The following ZNF423 variants were observed in gnomAD, a reference collection of about 807,000 sequenced individuals.
ZNF423 encodes zinc finger protein 423.
In ZNF423, 12 loss-of-function variants were observed where a neutral mutation model predicts 95.8. The ratio of observed to expected loss-of-function variants is 0.13; its 90% CI spans 0.08 to 0.20. The LOEUF (loss-of-function observed/expected upper bound fraction) is 0.20. ZNF423 is among the 10% of genes least tolerant of loss of function. ZNF423 has a pLI of 1.00. For missense variants in ZNF423, 1,316 were observed against 1,737.1 expected (o/e 0.76, Z 4.31); for synonymous variants, 749 against 711.9 (o/e 1.05, Z -0.83).
intron 5 of ZNF423, among the ~76,000 whole-genome samples, chr16:49,529,679 G>A (rs762390264): frequency 6.6e-6 from 1 of 152,176 alleles, no homozygotes; most frequent in Non-Finnish European, 1.5e-5. Flanking sequence ...CAGGAGGAGA[G>A]AGAGCTGATT....
chr16:49,628,836 T>G (rs1385453530), intron 4 of ZNF423, among the ~76,000 whole-genome samples: 1 of 151,978 alleles, frequency 6.6e-6, no homozygotes, highest in Non-Finnish European at 1.5e-5. Context: ...TTCCAAAGAG[T>G]GAACCTCACT....
At chr16:49,531,113 G>A (rs1012832039) in intron 5 of ZNF423, among the ~76,000 whole-genome samples, 12 of 152,152 alleles carry the variant, frequency 7.9e-5, no homozygotes, top group African/African-American at 2.7e-4. Context: ...ATGTGACAGC[G>A]TGGGACAGTC....
chr16:49,545,034 C>T (rs969531855), intron 5 of ZNF423, among the ~76,000 whole-genome samples: 3 of 152,244 alleles, frequency 2.0e-5, no homozygotes, highest in Non-Finnish European at 4.4e-5. Flanking sequence ...ATTCCCACTC[C>T]ACACATGGAG....
chr16:49,563,679 C>T (rs1026021578), intron 5 of ZNF423, among the ~76,000 whole-genome samples: 1 of 152,222 alleles, frequency 6.6e-6, no homozygotes, highest in Non-Finnish European at 1.5e-5. Flanking sequence ...CTAGGCCTGT[C>T]GGCACCATCC....
intron 5 of ZNF423, among the ~76,000 whole-genome samples, chr16:49,593,941 C>A (rs1043906405): frequency 6.6e-6 from 1 of 152,130 alleles, no homozygotes. Flanking sequence ...CCCATGGAAC[C>A]CGCAGGTTCC....
chr16:49,504,027 T>C (rs1483962690), intron 7 of ZNF423, among the ~76,000 whole-genome samples: 6 of 152,202 alleles, frequency 3.9e-5, no homozygotes, highest in Admixed American at 1.3e-4. Context: ...TGATTTCTCT[T>C]GTACGAGGTG....
chr16:49,772,179 C>T (rs1364582680), intron 2 of ZNF423, among the ~76,000 whole-genome samples: 4 of 152,198 alleles, frequency 2.6e-5, no homozygotes, highest in Non-Finnish European at 2.9e-5. Context: ...CAGTCCCAGG[C>T]TGAAGGCGCA....
intron 7 of ZNF423, among the ~76,000 whole-genome samples, chr16:49,501,641 G>A (rs1195393713): frequency 6.6e-6 from 1 of 152,060 alleles, no homozygotes; most frequent in Non-Finnish European, 1.5e-5. Flanking sequence ...CCCACCAAGA[G>A]TGGGTTGGAT....
rs537749082 is a variant in ZNF423, at chr16:49,854,832, G to T, written c.40+903C>A. On this transcript the variant is annotated intron_variant, in intron 1 of 7. Transcript: ENST00000563137. ...AAAGCGTGGAGACGAAGGGATGGGTGTGTGTATCTATATATCTGCAGCTCC... is the reference window on the plus strand; with the variant it reads ...AAAGCGTGGAGACGAAGGGATGGGTTTGTGTATCTATATATCTGCAGCTCC... The T allele has an allele frequency of 3.0e-6, 3 of 985,398 alleles. No homozygotes were observed. The Admixed American group carries it at 1.8e-4, about 60-fold the overall frequency. 61.0% of individuals were successfully genotyped at this position (985,398 alleles called of 1,614,324 possible). A position where few individuals can be genotyped will look rare whatever the true frequency, so the allele number is the denominator to read the frequency against.
chr16:49,526,660 A>G (rs999230226), intron 5 of ZNF423, among the ~76,000 whole-genome samples: 6 of 152,156 alleles, frequency 3.9e-5, no homozygotes, highest in Non-Finnish European at 8.8e-5. Context: ...CCCTGGTTTG[A>G]GCTTCACATC....
At chr16:49,670,307 C>T (rs1330770359) in intron 3 of ZNF423, among the ~76,000 whole-genome samples, 1 of 152,204 alleles carries the variant, frequency 6.6e-6, no homozygotes, top group Non-Finnish European at 1.5e-5. Flanking sequence ...CCTGCCTCTG[C>T]GAGAGTTCAG....
At chr16:49,504,150 A>G (rs76742865) in intron 7 of ZNF423, among the ~76,000 whole-genome samples, 2,790 of 152,324 alleles carry the variant, frequency 0.018, 79 homozygotes, top group African/African-American at 0.064. Flanking sequence ...GATGGGAAAG[A>G]TGAAAAAGTT....
At chr16:49,786,771 T>C (rs77419073) in intron 2 of ZNF423, among the ~76,000 whole-genome samples, 2 of 152,342 alleles carry the variant, frequency 1.3e-5, no homozygotes, top group East Asian at 3.9e-4. Flanking sequence ...CTCCAAGCTC[T>C]TTCCCTCATC....
At chr16:49,815,876 A>C (rs1469376478) in intron 1 of ZNF423, among the ~76,000 whole-genome samples, 1 of 72,134 alleles carries the variant, frequency 1.4e-5, no homozygotes, top group African/African-American at 6.8e-5. Context: ...CAAACAAAAA[A>C]AAAAAATATA....
At chr16:49,851,345 C>T (rs2035299412) in intron 1 of ZNF423, among the ~76,000 whole-genome samples, 1 of 152,198 alleles carries the variant, frequency 6.6e-6, no homozygotes, top group South Asian at 2.1e-4. Context: ...GTGGTAGGTT[C>T]CTTTCGTTTA....
chr16:49,547,115 G>A (rs993992538), intron 5 of ZNF423, among the ~76,000 whole-genome samples: 3 of 152,036 alleles, frequency 2.0e-5, no homozygotes, highest in Admixed American at 2.0e-4. Flanking sequence ...TTAAGATAGG[G>A]AAAGCTATGT....
rs537067955 is a variant in ZNF423, at chr16:49,824,656, G to A, written c.40+31079C>T. ...CCAGAGCTCCAAGATAAACTTGGGC[G>A]AGTCACTTCCCATCTCCAAGCCTTT... is the stretch of plus-strand genomic sequence containing the variant. On this transcript the variant is annotated intron_variant, in intron 1 of 7. Coordinates refer to ENST00000563137, the MANE Select transcript of ZNF423 (RefSeq NM_001379286.1). Among the ~76,000 whole-genome samples the A allele has an allele frequency of 5.3e-5, 8 of 152,288 alleles. No homozygotes were observed. In the East Asian group the frequency reaches 7.7e-4, roughly 15 times the overall value.
At chr16:49,549,457 C>T (rs954243902) in intron 5 of ZNF423, among the ~76,000 whole-genome samples, 3 of 152,210 alleles carry the variant, frequency 2.0e-5, no homozygotes, top group African/African-American at 7.2e-5. Context: ...CCCACATCAG[C>T]TGCAGCTCCC....
At position 49,855,508 on chromosome 16, in the gene ZNF423, C is replaced by CCCG. The variant is rs1355579722; in HGVS notation, c.40+226_40+227insCGG. On this transcript the variant is annotated intron_variant, in intron 1 of 7. Coordinates refer to ENST00000563137, the MANE Select transcript of ZNF423 (RefSeq NM_001379286.1). This position sits in a 1 kb window ranked among gnomAD's most constrained non-coding sequence, Gnocchi z 4.7. ...GCAGGGAGGGTGTCCGCGGCGTACC[C>CCCG]CCTCCGCCGCCGCCGCCGCCGCCGC... is the stretch of plus-strand genomic sequence containing the variant. 1.0e-5 allele frequency among the ~76,000 whole-genome samples: 1 copy of CCCG among 100,426 alleles called. No individual in the cohort carries two copies. 65.9% of individuals were successfully genotyped at this position (100,426 alleles called of 152,430 possible).
Sources: gnomAD v4.1 joint callset for allele counts (sites outside exome capture counted in the v4.1 genomes callset) on GRCh38, gnomAD v4.1.1 for gene constraint, Gnocchi (gnomAD v3.1) non-coding constraint, MANE v1.5 for transcripts, NCBI Gene and HGNC (gene_info 2026-07-23, HGNC 2026-07-21) for gene names.